Variants in VAT1L observed in about 807,000 individuals in gnomAD.
VAT1L encodes the protein putative NADPH-dependent quinone oxidoreductase VAT1L.
A neutral mutation model predicts 44.1 loss-of-function variants in VAT1L; 34 were observed. The observed-to-expected ratio is 0.77, with a 90% confidence interval of 0.59 to 1.03. The LOEUF (loss-of-function observed/expected upper bound fraction) is 1.03. VAT1L is among the 50% of genes least tolerant of loss of function. The probability of loss-of-function intolerance (pLI) is 0.00; values close to 1 mark genes in which losing one functional copy is unlikely to be tolerated. For missense variants in VAT1L, 615 were observed against 538.8 expected (o/e 1.14, Z -1.40); for synonymous variants, 253 against 202.2 (o/e 1.25, Z -2.13).
intron 7 of VAT1L, among the ~76,000 whole-genome samples, chr16:77,891,547 G>A (rs748341140): frequency 2.0e-5 from 3 of 152,128 alleles, no homozygotes; most frequent in African/African-American, 7.2e-5. Context: ...AGTGAAGGTC[G>A]CTGTCCAAAT....
chr16:77,896,478 G>T (rs866513609), intron 7 of VAT1L, among the ~76,000 whole-genome samples: 1 of 152,090 alleles, frequency 6.6e-6, no homozygotes, highest in Admixed American at 6.5e-5. Flanking sequence ...TGTACAAAAG[G>T]TACTTAGCTT....
chr16:77,806,505 G>A (rs6564479), intron 1 of VAT1L, among the ~76,000 whole-genome samples: 35,579 of 91,764 alleles, frequency 0.39, 7,870 homozygotes, highest in South Asian at 0.51. Context: ...CACCACGCCC[G>A]GCCAAGTTTT....
intron 7 of VAT1L, among the ~76,000 whole-genome samples, chr16:77,919,445 T>C (rs1329124157): frequency 6.6e-6 from 1 of 152,144 alleles, no homozygotes; most frequent in African/African-American, 2.4e-5. Context: ...TAAAATTAAT[T>C]AGAGGTAGAG....
intron 3 of VAT1L, among the ~76,000 whole-genome samples, chr16:77,830,927 G>T (rs2016572129): frequency 6.6e-6 from 1 of 152,150 alleles, no homozygotes; most frequent in African/African-American, 2.4e-5. Flanking sequence ...CAGGTGATCT[G>T]CCCGCCTCGG....
At chr16:77,855,350 A>G (rs1397897108) in intron 3 of VAT1L, among the ~76,000 whole-genome samples, 2 of 151,824 alleles carry the variant, frequency 1.3e-5, no homozygotes, top group South Asian at 2.1e-4. Context: ...AGAAAAAAAA[A>G]AAAAAAAAGT....
intron 7 of VAT1L, among the ~76,000 whole-genome samples, chr16:77,897,371 G>A (rs2017335195): frequency 6.6e-6 from 1 of 152,288 alleles, no homozygotes; most frequent in African/African-American, 2.4e-5. Flanking sequence ...GTGAACTCTT[G>A]TACACTGTAA....
intron 1 of VAT1L, among the ~76,000 whole-genome samples, chr16:77,807,095 C>A (rs1488124258): frequency 6.6e-6 from 1 of 152,210 alleles, no homozygotes; most frequent in Admixed American, 6.5e-5. Context: ...CCAGATCTTT[C>A]CTCCTCAGGA....
intron 7 of VAT1L, among the ~76,000 whole-genome samples, chr16:77,938,200 T>C (rs1473140691): frequency 1.3e-5 from 2 of 152,172 alleles, no homozygotes; most frequent in African/African-American, 4.8e-5. Context: ...ATAGTGGCCC[T>C]AATGCACAGA....
intron 7 of VAT1L, among the ~76,000 whole-genome samples, chr16:77,922,709 T>G (rs969045399): frequency 3.3e-5 from 5 of 152,124 alleles, no homozygotes; most frequent in African/African-American, 9.7e-5. Flanking sequence ...TTTTAGAAAT[T>G]CCCTTTAAGC....
intron 3 of VAT1L, among the ~76,000 whole-genome samples, chr16:77,858,596 A>G (rs991358268): frequency 6.6e-6 from 1 of 152,212 alleles, no homozygotes; most frequent in Non-Finnish European, 1.5e-5. Context: ...AGAGGTGCCA[A>G]TACGTTGCTC....
At chr16:77,943,079 T>C (rs769189632) in intron 7 of VAT1L, among the ~76,000 whole-genome samples, 3 of 144,660 alleles carry the variant, frequency 2.1e-5, no homozygotes, top group Non-Finnish European at 3.0e-5. Flanking sequence ...TTTTTTGAGA[T>C]GGAGTCTGCC....
intron 3 of VAT1L, among the ~76,000 whole-genome samples, chr16:77,838,696 C>T (rs577006488): frequency 2.8e-4 from 42 of 151,722 alleles, no homozygotes; most frequent in Non-Finnish European, 5.6e-4. Context: ...TCTTTCTGTC[C>T]ATTTCCATCT....
Position 77,817,030 on chromosome 16 carries a change from G to T in VAT1L, c.343G>T (p.Asp115Tyr), listed in dbSNP as rs372931587. ...TTCTGGGATTGTTGAAGCTCTGGGG[G>T]ACAGCGTGAAAGGATATGAGGTAAT... The part of the protein sequence containing the change: ...ECSGIVEALG[D>Y]SVKGYEIGDR... Residue 115 changes from aspartate (D) to tyrosine (Y), a missense_variant, in exon 2 of 9, where the codon GAC becomes TAC. By Grantham distance (160) the Asp-to-Tyr change is radical. Transcript: ENST00000302536. 4 of 1,613,964 alleles carry T rather than the reference G, an allele frequency of 2.5e-6. No individual in the cohort carries two copies. In the South Asian group the frequency reaches 4.4e-5, roughly 18 times the overall value.
chr16:77,972,891 G>T (rs957620893), intron 8 of VAT1L, among the ~76,000 whole-genome samples: 2 of 151,750 alleles, frequency 1.3e-5, no homozygotes, highest in Non-Finnish European at 2.9e-5. Context: ...TCACCATGTT[G>T]CCTAGGCTGG....
intron 5 of VAT1L, among the ~76,000 whole-genome samples, chr16:77,877,378 C>T (rs935130994): frequency 5.3e-5 from 8 of 151,814 alleles, no homozygotes; most frequent in Admixed American, 5.2e-4. Flanking sequence ...GGCATGGTGG[C>T]GGGCGCCTGT....
chr16:77,952,648 G>A (rs917435659), intron 7 of VAT1L, among the ~76,000 whole-genome samples: 1 of 152,040 alleles, frequency 6.6e-6, no homozygotes, highest in African/African-American at 2.4e-5. Context: ...CCCGAGGTCA[G>A]GAGTTTGAGA....
chr16:77,902,736 G>GGC (rs758660066), intron 7 of VAT1L, among the ~76,000 whole-genome samples: 1,809 of 129,142 alleles, frequency 0.014, 81 homozygotes, highest in African/African-American at 0.052. Context: ...GGGGGGTGGG[G>GGC]GGGGTGTGGA....
chr16:77,933,341 A>G (rs973018520), intron 7 of VAT1L, among the ~76,000 whole-genome samples: 10 of 152,180 alleles, frequency 6.6e-5, no homozygotes, highest in Admixed American at 5.9e-4. Context: ...GACTCCAAAA[A>G]CTGTATTTAC....
At chr16:77,917,426 A>G (rs1216005422) in intron 7 of VAT1L, among the ~76,000 whole-genome samples, 1 of 152,236 alleles carries the variant, frequency 6.6e-6, no homozygotes, top group African/African-American at 2.4e-5. Context: ...AAATTGCTAA[A>G]GGAACTCAGG....
Sources: allele counts gnomAD v4.1 joint callset (sites outside exome capture counted in the v4.1 genomes callset), GRCh38; gene constraint gnomAD v4.1.1; transcripts MANE v1.5; gene names NCBI Gene and HGNC (gene_info 2026-07-23, HGNC 2026-07-21).